TRAPPC9: variants seen among roughly 807,000 people sequenced by gnomAD.
TRAPPC9 encodes the protein IKK2 binding protein.
Under a neutral mutation model 124.0 loss-of-function variants are expected in TRAPPC9, and 83 were observed. The observed-to-expected ratio is 0.67, with a 90% CI of 0.56 to 0.80. The LOEUF (loss-of-function observed/expected upper bound fraction) is 0.80. Among genes scored for constraint, TRAPPC9 ranks in the 30% least tolerant of loss-of-function variants. The pLI is 0.00. For missense variants in TRAPPC9, 1,302 were observed against 1,508.3 expected (o/e 0.86, Z 2.27); for synonymous variants, 638 against 617.5 (o/e 1.03, Z -0.49).
rs1027105396 is a variant in TRAPPC9, at chr8:140,104,912, C to G, written c.2557-80833G>C. ...CGACATGGAGCTCCCTGAGTTGACT[C>G]TGCCTCCGCTTGCCCCCTGGGCCTG... On this transcript the variant is annotated intron_variant, in intron 17 of 22. Coordinates refer to ENST00000438773, the MANE Select transcript of TRAPPC9 (RefSeq NM_001160372.4). The surrounding 1 kb of genome is among the most constrained non-coding windows in gnomAD (Gnocchi z 4.0). 5.3e-5 allele frequency among the ~76,000 whole-genome samples: 8 copies of G among 152,242 alleles called. No individual in the cohort carries two copies. Among genetic ancestry groups the G allele is most frequent in the Non-Finnish European group, 8.8e-5 (6 of 68,040 alleles).
intron 21 of TRAPPC9, among the ~76,000 whole-genome samples, chr8:139,814,605 T>C (rs1362597666): frequency 2.0e-5 from 3 of 152,130 alleles, no homozygotes; most frequent in Admixed American, 6.5e-5. Flanking sequence ...GACTCTGAAA[T>C]ACTAACTTTT....
rs550692237 is a variant in TRAPPC9 at position 139,868,424 on chromosome 8, C to A, written c.3055+17455G>T. ...TACTACCATACTTGCAGCTTTTCTG[C>A]AAGTTTGTGCATGATATTATTTCCT... On this transcript the variant is annotated intron_variant, in intron 21 of 22. Coordinates refer to ENST00000438773, the MANE Select transcript of TRAPPC9 (RefSeq NM_001160372.4). 2.0e-5 allele frequency among the ~76,000 whole-genome samples: 3 copies of A among 152,276 alleles called. No individual in the cohort carries two copies. In the East Asian group the frequency reaches 5.8e-4, roughly 29 times the overall value.
intron 17 of TRAPPC9, among the ~76,000 whole-genome samples, chr8:140,108,387 C>T (rs1171298074): frequency 6.6e-6 from 1 of 152,198 alleles, no homozygotes; most frequent in Non-Finnish European, 1.5e-5. Flanking sequence ...CTAGTTTGGT[C>T]TTTCATCCCT....
chr8:140,190,630 T>C (rs1337003740), intron 17 of TRAPPC9, among the ~76,000 whole-genome samples: 1 of 152,192 alleles, frequency 6.6e-6, no homozygotes, highest in Non-Finnish European at 1.5e-5. Context: ...AGGTGGTCAT[T>C]GTGTTACACA....
At chr8:140,161,796 G>T (rs1256693885) in intron 17 of TRAPPC9, among the ~76,000 whole-genome samples, 1 of 152,202 alleles carries the variant, frequency 6.6e-6, no homozygotes, top group East Asian at 1.9e-4. Flanking sequence ...GGCAATGAGA[G>T]GGGAGAATGG....
intron 16 of TRAPPC9, among the ~76,000 whole-genome samples, chr8:140,243,061 C>A (rs1287383432): frequency 6.6e-6 from 1 of 152,128 alleles, no homozygotes; most frequent in African/African-American, 2.4e-5. Context: ...TGCGCAGAAC[C>A]CCCCAGAGAA....
intron 21 of TRAPPC9, among the ~76,000 whole-genome samples, chr8:139,797,270 A>AT (rs1259032171): frequency 1.3e-5 from 2 of 151,988 alleles, no homozygotes; most frequent in Admixed American, 1.3e-4. Context: ...CAATTTATTT[A>AT]TTTTTTTGAG....
chr8:139,874,610 G>T lies in TRAPPC9; in HGVS notation c.3055+11269C>A, dbSNP rs187557614. Among the ~76,000 whole-genome samples, 307 of 152,314 alleles carry T rather than the reference G, an allele frequency of 2.0e-3. 2 individuals carry two copies. The highest frequency in any genetic ancestry group is 3.0e-3 in the Non-Finnish European group (206 of 68,030). On this transcript the variant is annotated intron_variant, in intron 21 of 22. Transcript: ENST00000438773. ...GGGAGGCAGCAGGTATGAAGGCCTG[G>T]GGGGAGCATGGCTCACAGGGACAAG... is the stretch of plus-strand genomic sequence containing the variant.
intron 21 of TRAPPC9, among the ~76,000 whole-genome samples, chr8:139,822,701 G>A (rs1256020468): frequency 6.6e-6 from 1 of 152,148 alleles, no homozygotes. Flanking sequence ...GAGTGCATGC[G>A]TCCTCTCAGA....
intron 21 of TRAPPC9, among the ~76,000 whole-genome samples, chr8:139,856,583 T>C (rs1827811587): frequency 6.6e-6 from 1 of 152,154 alleles, no homozygotes; most frequent in African/African-American, 2.4e-5. Flanking sequence ...GCAAAGCAGC[T>C]GGACAGCGGC....
intron 17 of TRAPPC9, among the ~76,000 whole-genome samples, chr8:140,077,791 T>C (rs1028849208): frequency 6.6e-6 from 1 of 151,930 alleles, no homozygotes; most frequent in African/African-American, 2.4e-5. Flanking sequence ...GGAAGAATGA[T>C]TGTGTAGAAA....
intron 21 of TRAPPC9, among the ~76,000 whole-genome samples, chr8:139,753,020 ACCAT>A (rs1311688259): frequency 6.8e-6 from 1 of 146,260 alleles, no homozygotes; most frequent in Admixed American, 6.7e-5. Flanking sequence ...CCACCCATCT[ACCAT>A]CCATCCATCC....
Position 139,956,507 on chromosome 8 carries a change from T to G in TRAPPC9, c.2810+32219A>C, listed in dbSNP as rs142556641. Among the ~76,000 whole-genome samples, 961 of 152,350 alleles carry G rather than the reference T, an allele frequency of 6.3e-3. 5 individuals carry two copies. Among genetic ancestry groups the G allele is most frequent in the Non-Finnish European group, 0.011 (731 of 68,018 alleles). On this transcript the variant is annotated intron_variant, in intron 19 of 22. Transcript: ENST00000438773. ...CATGTGTCTCCATCAGCTGCCAGCA[T>G]AGCGTCTCCTTGATGTTGGGCCTAC...
chr8:140,358,983 G>T (rs1052074236), intron 9 of TRAPPC9, among the ~76,000 whole-genome samples: 1 of 152,202 alleles, frequency 6.6e-6, no homozygotes, highest in African/African-American at 2.4e-5. Flanking sequence ...GCCCTGCTGG[G>T]TCAGCAGAAG....
intron 19 of TRAPPC9, among the ~76,000 whole-genome samples, chr8:139,963,203 T>C (rs1835456978): frequency 6.6e-6 from 1 of 152,192 alleles, no homozygotes; most frequent in South Asian, 2.1e-4. Flanking sequence ...AAATCGGTGA[T>C]AATACTGCTA....
At chr8:139,928,262 C>T (rs1832924277) in intron 19 of TRAPPC9, among the ~76,000 whole-genome samples, 1 of 152,156 alleles carries the variant, frequency 6.6e-6, no homozygotes, top group Non-Finnish European at 1.5e-5. Context: ...GAAGCTGAGG[C>T]AGGTGAATCA....
chr8:139,734,666 G>A (rs1029410949), intron 21 of TRAPPC9, among the ~76,000 whole-genome samples: 2 of 152,240 alleles, frequency 1.3e-5, no homozygotes, highest in Non-Finnish European at 2.9e-5. Flanking sequence ...TTATTAGCTG[G>A]CTGCTGGCCC....
chr8:139,795,201 G>A (rs1822967427), intron 21 of TRAPPC9, among the ~76,000 whole-genome samples: 1 of 152,198 alleles, frequency 6.6e-6, no homozygotes, highest in African/African-American at 2.4e-5. Context: ...CAGGTGTCCT[G>A]GCTCCAGCAC....
At chr8:140,219,316 C>G (rs1001590109) in intron 17 of TRAPPC9, among the ~76,000 whole-genome samples, 1 of 152,202 alleles carries the variant, frequency 6.6e-6, no homozygotes, top group African/African-American at 2.4e-5. Context: ...ACAGACCTTG[C>G]TCCAAGACCC....
Sources: allele counts gnomAD v4.1 joint callset (sites outside exome capture counted in the v4.1 genomes callset), GRCh38; gene constraint gnomAD v4.1.1; non-coding constraint Gnocchi (gnomAD v3.1); transcripts MANE v1.5; gene names NCBI Gene and HGNC (gene_info 2026-07-23, HGNC 2026-07-21).